Variants in CAST observed in about 807,000 individuals in gnomAD.
CAST encodes calpastatin, also known as MIR583 host.
In CAST, 76 loss-of-function variants were observed where a neutral mutation model predicts 119.6. The observed-to-expected ratio is 0.64, with a 90% confidence interval of 0.53 to 0.77. CAST has a LOEUF of 0.77. Among genes scored for constraint, CAST ranks in the 30% least tolerant of loss-of-function variants. CAST has a pLI of 0.00. For missense variants in CAST, 953 were observed against 946.5 expected (o/e 1.01, Z -0.09); for synonymous variants, 319 against 331.6 (o/e 0.96, Z 0.41).
At chr5:96,108,163 G>C in the CAST span, among the ~76,000 whole-genome samples, 2 of 152,040 alleles carry the variant, frequency 1.3e-5, no homozygotes, top group African/African-American at 2.4e-5. Context: ...TTTGCCTTTG[G>C]TTTGAATGTC....
At chr5:96,719,809 C>T (rs1280246079) in intron 3 of CAST, among the ~76,000 whole-genome samples, 1 of 152,186 alleles carries the variant, frequency 6.6e-6, no homozygotes, top group African/African-American at 2.4e-5. Flanking sequence ...GTCAGATGGC[C>T]AAGCTCCCAG....
chr5:96,501,426 G>T, the CAST span, among the ~76,000 whole-genome samples: 2 of 152,058 alleles, frequency 1.3e-5, no homozygotes, highest in Admixed American at 1.3e-4. Flanking sequence ...GTGGAACAAC[G>T]TTAATATCTG....
At chr5:96,512,437 A>G in the CAST span, among the ~76,000 whole-genome samples, 1 of 152,232 alleles carries the variant, frequency 6.6e-6, no homozygotes, top group African/African-American at 2.4e-5. Context: ...CTAGAAGGGT[A>G]GTAGGGCTTA....
At chr5:96,466,612 C>A in the CAST span, among the ~76,000 whole-genome samples, 1 of 151,924 alleles carries the variant, frequency 6.6e-6, no homozygotes, top group Admixed American at 6.6e-5. Context: ...ACTAAGATAG[C>A]TTACCATAGA....
chr5:96,574,849 A>T (rs898417715), intron 1 of CAST, among the ~76,000 whole-genome samples: 1 of 152,126 alleles, frequency 6.6e-6, no homozygotes, highest in African/African-American at 2.4e-5. Flanking sequence ...GCACATTCCT[A>T]TGGGTTTATT....
upstream of CAST, among the ~76,000 whole-genome samples, chr5:96,525,105 T>G (rs148695948): frequency 4.6e-3 from 708 of 152,364 alleles, 17 homozygotes; most frequent in East Asian, 6.4e-3. Flanking sequence ...GGCAGGTCTA[T>G]TCTGTGACAT....
At chr5:96,519,553 G>A in the CAST span, among the ~76,000 whole-genome samples, 4 of 152,100 alleles carry the variant, frequency 2.6e-5, no homozygotes, top group African/African-American at 9.7e-5. Context: ...CCTCTATCTA[G>A]CAAATGCATA....
the CAST span, among the ~76,000 whole-genome samples, chr5:96,016,061 G>A: frequency 6.6e-6 from 1 of 152,302 alleles, no homozygotes; most frequent in African/African-American, 2.4e-5. Context: ...AGAGTTGAAA[G>A]GTAGAAGAGC....
chr5:96,290,589 T>C, the CAST span, among the ~76,000 whole-genome samples: 1 of 152,202 alleles, frequency 6.6e-6, no homozygotes, highest in East Asian at 1.9e-4. Context: ...TGCCCTGTCT[T>C]TGGGAAACCA....
the CAST span, among the ~76,000 whole-genome samples, chr5:96,327,210 G>A: frequency 0.013 from 1,956 of 152,242 alleles, 40 homozygotes; most frequent in African/African-American, 0.044. Flanking sequence ...TTTGTTGTAA[G>A]GATTAGATCA....
chr5:96,727,629 G>C (rs1460091867), intron 6 of CAST, 99 bp downstream of exon 6: 2 of 668,374 alleles, frequency 3.0e-6, no homozygotes, highest in Non-Finnish European at 5.0e-6. Context: ...GGTAAAGGGG[G>C]TTGCTGGCTA....
At chr5:96,536,367 A>C (rs540331474) in intron 1 of CAST, among the ~76,000 whole-genome samples, 1 of 152,294 alleles carries the variant, frequency 6.6e-6, no homozygotes, top group East Asian at 1.9e-4. Context: ...CTCCAAAAGA[A>C]AATAAAAGGA....
the CAST span, among the ~76,000 whole-genome samples, chr5:96,303,215 A>G: frequency 6.6e-6 from 1 of 152,196 alleles, no homozygotes; most frequent in African/African-American, 2.4e-5. Flanking sequence ...AAATATTATG[A>G]GAACTCACTC....
intron 1 of CAST, among the ~76,000 whole-genome samples, chr5:96,554,976 G>A (rs138575928): frequency 1.4e-3 from 220 of 152,256 alleles, no homozygotes; most frequent in East Asian, 8.9e-3. Context: ...TAGTTCAACC[G>A]TTGTGGAAGA....
chr5:96,716,297 A>ACTC (rs1483558165), intron 3 of CAST, among the ~76,000 whole-genome samples: 2 of 151,978 alleles, frequency 1.3e-5, no homozygotes, highest in Admixed American at 6.6e-5. Flanking sequence ...AAGTTGTACA[A>ACTC]CTCCTGGTTG....
chr5:96,028,432 G>T, the CAST span, among the ~76,000 whole-genome samples: 1 of 151,880 alleles, frequency 6.6e-6, no homozygotes. Flanking sequence ...TCAATATTCA[G>T]CCAAGCTTAA....
chr5:96,542,457 T>C (rs1028114121), intron 1 of CAST, among the ~76,000 whole-genome samples: 2 of 23,304 alleles, frequency 8.6e-5, no homozygotes, highest in African/African-American at 1.2e-4. Context: ...TATTGTCAGT[T>C]TTTTTATTTT....
the CAST span, among the ~76,000 whole-genome samples, chr5:96,509,153 A>T: frequency 3.9e-5 from 6 of 152,378 alleles, no homozygotes; most frequent in South Asian, 6.2e-4. Flanking sequence ...AATACTTTAA[A>T]TAATCTCTGT....
At chr5:96,746,263 A>T (rs1763731153) in intron 16 of CAST, 79 bp from the exon 17 acceptor site, 1 of 836,872 alleles carries the variant, frequency 1.2e-6, no homozygotes, top group Admixed American at 1.7e-5. Flanking sequence ...ATAACACTCG[A>T]GAAGTACACA....
Sources: gnomAD v4.1 joint callset for allele counts (sites outside exome capture counted in the v4.1 genomes callset) on GRCh38, gnomAD v4.1.1 for gene constraint, MANE v1.5 for transcripts, NCBI Gene and HGNC (gene_info 2026-07-23, HGNC 2026-07-21) for gene names.